TNIK: variants seen among roughly 807,000 people sequenced by gnomAD.
TNIK encodes the protein TRAF2 and NCK interacting kinase, also known as TRAF2 and NCK-interacting protein kinase.
TNIK carries 49 observed loss-of-function variants against 191.3 expected under a neutral mutation model. That is an observed-to-expected ratio of 0.26 (90% CI 0.20 to 0.32). TNIK has a LOEUF of 0.32. Ranked by LOEUF, TNIK falls within the 10% of genes least tolerant of loss-of-function variation. TNIK has a pLI of 1.00. For missense variants in TNIK, 1,155 were observed against 1,702.3 expected, an observed-to-expected ratio of 0.68 and a Z score of 5.66; for synonymous variants, 594 against 600.9, an observed-to-expected ratio of 0.99 and a Z score of 0.17.
intron 2 of TNIK, among the ~76,000 whole-genome samples, chr3:171,279,314 T>C (rs1750156987): frequency 6.6e-6 from 1 of 152,208 alleles, no homozygotes; most frequent in Non-Finnish European, 1.5e-5. Context: ...TTTTCAAATA[T>C]TTCCATGTCC....
intron 2 of TNIK, chr3:171,346,912 G>T: frequency 2.4e-6 from 1 of 415,588 alleles, no homozygotes; most frequent in Non-Finnish European, 4.2e-6. Flanking sequence ...TCATTCAAAA[G>T]GTTTTAAACA....
chr3:171,129,469 G>A (rs1301623122), intron 15 of TNIK, among the ~76,000 whole-genome samples: 1 of 152,162 alleles, frequency 6.6e-6, no homozygotes, highest in Non-Finnish European at 1.5e-5. Context: ...CTCTTTAGGG[G>A]TCTTTCTTTC....
rs73030930 is a variant in TNIK at position 171,301,756 on chromosome 3, G to A, written c.123+67864C>T. Among the ~76,000 whole-genome samples the A allele has an allele frequency of 1.6e-3, 248 of 152,306 alleles. 1 individual carries two copies. The highest frequency in any genetic ancestry group is 5.8e-3 in the African/African-American group (241 of 41,560). Reference sequence around the variant, plus strand: ...CTGGATCAAAAGAAGCAGCTATACAGTAATCATTTGAACTAATGGAGAAAT... The same window carrying A: ...CTGGATCAAAAGAAGCAGCTATACAATAATCATTTGAACTAATGGAGAAAT... On this transcript the variant is annotated intron_variant, in intron 2 of 32. Transcript: ENST00000436636.
intron 2 of TNIK, among the ~76,000 whole-genome samples, chr3:171,262,963 A>G (rs1747828666): frequency 6.6e-6 from 1 of 152,214 alleles, no homozygotes; most frequent in Admixed American, 6.5e-5. Context: ...AGAAAGAGAC[A>G]GCCCTTTTCA....
At chr3:171,250,988 A>G (rs1237310664) in intron 2 of TNIK, among the ~76,000 whole-genome samples, 1 of 152,228 alleles carries the variant, frequency 6.6e-6, no homozygotes. Flanking sequence ...CTAGTGTGTT[A>G]TTATGTCTGA....
intron 18 of TNIK, among the ~76,000 whole-genome samples, chr3:171,116,361 A>G (rs888498483): frequency 2.7e-4 from 41 of 152,338 alleles, no homozygotes; most frequent in African/African-American, 8.9e-4. Flanking sequence ...AAAACATCCA[A>G]ATGGATTTCT....
At chr3:171,302,513 T>C (rs1269068252) in intron 2 of TNIK, among the ~76,000 whole-genome samples, 1 of 152,216 alleles carries the variant, frequency 6.6e-6, no homozygotes, top group African/African-American at 2.4e-5. Context: ...TGTGGGTAAG[T>C]GTACCTGTAT....
chr3:171,180,728 A>G (rs1269356397), intron 7 of TNIK, among the ~76,000 whole-genome samples: 6 of 152,178 alleles, frequency 3.9e-5, no homozygotes. Context: ...CTGGTTTTAA[A>G]CTGAGCTGGG....
intron 4 of TNIK, among the ~76,000 whole-genome samples, chr3:171,201,803 T>G (rs1739447311): frequency 6.6e-6 from 1 of 152,208 alleles, no homozygotes; most frequent in Admixed American, 6.5e-5. Flanking sequence ...GCATGTACTA[T>G]CTATCTATCT....
At chr3:171,340,561 A>G (rs1757411909) in intron 2 of TNIK, among the ~76,000 whole-genome samples, 1 of 152,174 alleles carries the variant, frequency 6.6e-6, no homozygotes, top group African/African-American at 2.4e-5. Flanking sequence ...AAGTCTTCTG[A>G]AGTGCCCTGC....
At chr3:171,398,604 C>G (rs930001038) in intron 1 of TNIK, among the ~76,000 whole-genome samples, 4 of 152,168 alleles carry the variant, frequency 2.6e-5, no homozygotes, top group African/African-American at 9.7e-5. Context: ...TGTACCAAAT[C>G]AGTGTTACCT....
At chr3:171,382,601 A>G (rs1242701547) in intron 1 of TNIK, among the ~76,000 whole-genome samples, 2 of 152,188 alleles carry the variant, frequency 1.3e-5, no homozygotes, top group African/African-American at 4.8e-5. Flanking sequence ...GGCTGGGGCC[A>G]CATGATTTAC....
chr3:171,161,239 A>G, intron 11 of TNIK, 31 bp downstream of exon 11: 1 of 1,598,662 alleles, frequency 6.3e-7, no homozygotes, highest in African/African-American at 1.3e-5. Context: ...CAGAATGTGA[A>G]CATTAGAAGA....
intron 1 of TNIK, among the ~76,000 whole-genome samples, chr3:171,429,695 T>G (rs75633958): frequency 0.036 from 5,538 of 152,224 alleles, 338 homozygotes; most frequent in African/African-American, 0.13. Context: ...AACAAGCATT[T>G]TACATTCTTA....
intron 15 of TNIK, among the ~76,000 whole-genome samples, chr3:171,132,361 A>C (rs554262993): frequency 6.6e-6 from 1 of 152,338 alleles, no homozygotes; most frequent in South Asian, 2.1e-4. Context: ...TCACCTCTGC[A>C]AAAATGCTAT....
intron 18 of TNIK, among the ~76,000 whole-genome samples, chr3:171,115,726 C>T (rs185047540): frequency 4.4e-4 from 67 of 152,254 alleles, no homozygotes; most frequent in African/African-American, 1.5e-3. Context: ...AGTTGTATAA[C>T]CATGGCCTTT....
chr3:171,303,018 ATTACT>A (rs1256465659), intron 2 of TNIK, among the ~76,000 whole-genome samples: 1 of 152,204 alleles, frequency 6.6e-6, no homozygotes, highest in African/African-American at 2.4e-5. Flanking sequence ...GTTGTCAGTA[ATTACT>A]TTATATAATA....
At chr3:171,086,081 C>T (rs1239724246) in intron 24 of TNIK, among the ~76,000 whole-genome samples, 2 of 152,158 alleles carry the variant, frequency 1.3e-5, no homozygotes, top group African/African-American at 4.8e-5. Flanking sequence ...ACATCATAAA[C>T]ACATCTGTAT....
chr3:171,109,909 ATTT>A (rs112705012), intron 19 of TNIK, among the ~76,000 whole-genome samples: 1 of 146,068 alleles, frequency 6.8e-6, no homozygotes, highest in African/African-American at 2.5e-5. Context: ...GGAGTCAACA[ATTT>A]TTTTTTTTTT....
Sources: gnomAD v4.1 joint callset for allele counts (sites outside exome capture counted in the v4.1 genomes callset) on GRCh38, gnomAD v4.1.1 for gene constraint, MANE v1.5 for transcripts, NCBI Gene and HGNC (gene_info 2026-07-23, HGNC 2026-07-21) for gene names.